CALCRL: variants seen among roughly 807,000 people sequenced by gnomAD.
CALCRL encodes the protein calcitonin receptor like receptor.
Under a neutral mutation model 60.4 loss-of-function variants are expected in CALCRL, and 27 were observed. That is an observed-to-expected ratio of 0.45 (90% confidence interval 0.33 to 0.62). The LOEUF (loss-of-function observed/expected upper bound fraction) is 0.62. Ranked by LOEUF, CALCRL falls within the 20% of genes least tolerant of loss-of-function variation. The pLI, the probability that CALCRL is intolerant of heterozygous loss-of-function variation, is 0.03. For missense variants in CALCRL, 424 were observed against 540.7 expected, an observed-to-expected ratio of 0.78 and a Z score of 2.14; for synonymous variants, 190 against 182.6, an observed-to-expected ratio of 1.04 and a Z score of -0.33.
chr2:187,431,379 A>T (rs1690398270), intron 1 of CALCRL: 1 of 155,022 alleles, frequency 6.5e-6, no homozygotes, highest in African/African-American at 2.4e-5. Context: ...ATGACAAGAG[A>T]ACATTCCTGT....
intron 1 of CALCRL, among the ~76,000 whole-genome samples, chr2:187,416,218 A>G (rs1002058924): frequency 2.0e-5 from 3 of 152,236 alleles, no homozygotes; most frequent in East Asian, 1.9e-4. Flanking sequence ...ATAAATGTGT[A>G]TAATTTTATC....
rs1029571245 is a variant in CALCRL at position 187,420,749 on chromosome 2, AAG to A, written c.-293+27288_-293+27289del. Among the ~76,000 whole-genome samples the A allele has an allele frequency of 5.9e-5, 9 of 152,118 alleles. No individual in the cohort carries two copies. In the East Asian group the frequency reaches 9.7e-4, roughly 16 times the overall value. On this transcript the variant is annotated intron_variant, in intron 1 of 14. Coordinates refer to ENST00000392370, the MANE Select transcript of CALCRL (RefSeq NM_005795.6). The stretch of plus-strand genomic sequence containing the variant: ...ACACTAGGTTCAGAACAGAGGAAGA[AAG>A]AGTAAATTTTTAATATCTAGTCTTG...
intron 1 of CALCRL, among the ~76,000 whole-genome samples, chr2:187,394,515 T>C (rs1559059098): frequency 6.6e-6 from 1 of 152,098 alleles, no homozygotes; most frequent in Non-Finnish European, 1.5e-5. Context: ...TACATTTTTT[T>C]CCATCAAACC....
rs543333437 is a variant in CALCRL at position 187,376,958 on chromosome 2, A to G, written c.500+1982T>C. On this transcript the variant is annotated intron_variant, in intron 8 of 14. Transcript: ENST00000392370. ...CAAATGTTAATTAAAATTTTACCCT[A>G]TGTCTACTATCGTTAATTGCAATTC... 2.6e-5 allele frequency among the ~76,000 whole-genome samples: 4 copies of G among 152,178 alleles called. No individual in the cohort carries two copies. The South Asian group carries it at 6.2e-4, about 24-fold the overall frequency.
intron 14 of CALCRL, among the ~76,000 whole-genome samples, chr2:187,349,486 G>C (rs1051466053): frequency 6.6e-6 from 1 of 151,604 alleles, no homozygotes; most frequent in African/African-American, 2.4e-5. Context: ...GTTTCTTCAT[G>C]TTATGAGAGT....
At position 187,342,916 on chromosome 2, in the gene CALCRL, C is replaced by T. The variant is rs34812282; in HGVS notation, c.*3268G>A. ...ATTTGTGTGAGAGCCATGAATATGC[C>T]CTCTTTAAAAATTACCTTTAAATAC... On this transcript the variant is annotated 3_prime_UTR_variant, in exon 15 of 15. Transcript: ENST00000392370. 8.9e-3 allele frequency among the ~76,000 whole-genome samples: 1,351 copies of T among 151,360 alleles called. 13 individuals are homozygous for T. Among genetic ancestry groups the T allele is most frequent in the South Asian group, 0.027 (128 of 4,806 alleles).
intron 12 of CALCRL, among the ~76,000 whole-genome samples, chr2:187,355,889 T>C (rs1023146448): frequency 2.0e-5 from 3 of 152,054 alleles, no homozygotes; most frequent in Non-Finnish European, 4.4e-5. Flanking sequence ...ATGAGTCAAC[T>C]CTCAATCACA....
intron 1 of CALCRL, among the ~76,000 whole-genome samples, chr2:187,431,112 T>A (rs180976001): frequency 5.3e-5 from 8 of 152,290 alleles, no homozygotes; most frequent in Non-Finnish European, 1.2e-4. Flanking sequence ...ATGTCCATAA[T>A]TCCATCTTTA....
intron 8 of CALCRL, among the ~76,000 whole-genome samples, chr2:187,372,642 A>G (rs1356956589): frequency 6.6e-6 from 1 of 152,140 alleles, no homozygotes; most frequent in Non-Finnish European, 1.5e-5. Flanking sequence ...CTTGGTTTTT[A>G]TTAGGGTGGG....
At chr2:187,371,692 C>T (rs1329388930) in intron 8 of CALCRL, among the ~76,000 whole-genome samples, 4 of 150,186 alleles carry the variant, frequency 2.7e-5, no homozygotes, top group Non-Finnish European at 5.9e-5. Context: ...GCCAAGATCC[C>T]GCCACTGCAC....
In CALCRL at chr2:187,387,945, G is replaced by T. The variant is rs537228940; in HGVS notation, c.-292-189C>A. On this transcript the variant is annotated intron_variant, in intron 1 of 14. Coordinates refer to ENST00000392370, the MANE Select transcript of CALCRL (RefSeq NM_005795.6). ...TATATAGCATTATATTCACAGCATG[G>T]GATGTTTCAATATGAATTATAGATC... Among the ~76,000 whole-genome samples the T allele has an allele frequency of 2.4e-4, 37 of 151,806 alleles. No individual in the cohort carries two copies. In the South Asian group the frequency reaches 6.9e-3, roughly 28 times the overall value.
intron 1 of CALCRL, among the ~76,000 whole-genome samples, chr2:187,417,188 T>C (rs1007897155): frequency 9.9e-5 from 15 of 151,860 alleles, no homozygotes; most frequent in Non-Finnish European, 2.2e-4. Context: ...AACTAATATA[T>C]AGATGAAAAA....
intron 8 of CALCRL, among the ~76,000 whole-genome samples, chr2:187,370,585 G>C (rs1042842324): frequency 1.3e-5 from 2 of 152,116 alleles, no homozygotes; most frequent in East Asian, 3.9e-4. Flanking sequence ...ATTTAATGTG[G>C]ATTTATAGCT....
chr2:187,433,430 A>C (rs942585587), intron 1 of CALCRL, among the ~76,000 whole-genome samples: 3 of 152,108 alleles, frequency 2.0e-5, no homozygotes, highest in African/African-American at 7.2e-5. Context: ...ATTACAATGT[A>C]TGTGTGAACA....
intron 1 of CALCRL, among the ~76,000 whole-genome samples, chr2:187,397,794 T>C (rs1473587409): frequency 6.6e-6 from 1 of 151,698 alleles, no homozygotes; most frequent in African/African-American, 2.4e-5. Flanking sequence ...GAACATACAG[T>C]ATTTGACTTT....
At chr2:187,366,550 A>G (rs991043437) in intron 8 of CALCRL, among the ~76,000 whole-genome samples, 4 of 152,028 alleles carry the variant, frequency 2.6e-5, no homozygotes, top group African/African-American at 9.7e-5. Flanking sequence ...TTTCATGTCA[A>G]TTAAAAAGTG....
At chr2:187,368,923 G>A (rs1687408855) in intron 8 of CALCRL, among the ~76,000 whole-genome samples, 1 of 152,076 alleles carries the variant, frequency 6.6e-6, no homozygotes, top group Non-Finnish European at 1.5e-5. Flanking sequence ...TCTATTCAAT[G>A]GAACTCTCAA....
In CALCRL at chr2:187,365,303, A is replaced by G. The variant is rs561749926; in HGVS notation, c.501-1801T>C. Among the ~76,000 whole-genome samples the G allele has an allele frequency of 3.9e-5, 6 of 152,292 alleles. No individual in the cohort carries two copies. The South Asian group carries it at 1.2e-3, about 32-fold the overall frequency. On this transcript the variant is annotated intron_variant, in intron 8 of 14. Coordinates refer to ENST00000392370, the MANE Select transcript of CALCRL (RefSeq NM_005795.6). ...TTCTGTCATTCATCAGTGTTCCATTATGAAAGTTATAGACATATAACATTT... is the reference window on the plus strand; with the variant it reads ...TTCTGTCATTCATCAGTGTTCCATTGTGAAAGTTATAGACATATAACATTT...
chr2:187,379,030 G>A lies in CALCRL; in HGVS notation c.410C>T (p.Thr137Ile), dbSNP rs769126510. Residue 137 changes from threonine to isoleucine, a missense_variant and splice_region_variant, in exon 8 of 15, where the codon ACT becomes ATT. Around this residue, in one of 7 missense-constraint regions of CALCRL, gnomAD observed 43 missense variants for 46.6 expected, o/e 0.92. Transcript: ENST00000392370. ...CNVNTHEKVK[T>I]ALNLFYLTII... ...GGTCAGGTAAAACAAATTTAGTGCA[G>A]TCTGTAATTTGTATAAACAAAAAAA... 3 of 1,592,480 alleles carry A rather than the reference G, an allele frequency of 1.9e-6. No individual in the cohort carries two copies. The highest frequency in any genetic ancestry group is 2.6e-6 in the Non-Finnish European group (3 of 1,163,274).
Sources: allele counts gnomAD v4.1 joint callset (sites outside exome capture counted in the v4.1 genomes callset), GRCh38; gene constraint gnomAD v4.1.1; regional missense constraint gnomAD v4.1.1; transcripts MANE v1.5; gene names NCBI Gene and HGNC (gene_info 2026-07-23, HGNC 2026-07-21).